Variants in NTM observed in about 807,000 individuals in gnomAD.
The protein encoded by NTM is IgLON family member 2.
NTM carries 13 observed loss-of-function variants against 42.1 expected under a neutral mutation model. The observed-to-expected ratio is 0.31, with a 90% CI of 0.20 to 0.49. NTM has a LOEUF of 0.49. Ranked by LOEUF, NTM falls within the 20% of genes least tolerant of loss-of-function variation. NTM has a pLI of 0.99. For missense variants in NTM, 373 were observed against 452.8 expected, an observed-to-expected ratio of 0.82 and a Z score of 1.60; for synonymous variants, 187 against 179.2, an observed-to-expected ratio of 1.04 and a Z score of -0.35.
chr11:131,613,197 A>G (rs2061604953), intron 1 of NTM, among the ~76,000 whole-genome samples: 1 of 151,980 alleles, frequency 6.6e-6, no homozygotes, highest in African/African-American at 2.4e-5. Context: ...CTGGCCATCA[A>G]CCCTCAGGTC....
chr11:131,819,938 C>T (rs1056709909), intron 1 of NTM, among the ~76,000 whole-genome samples: 4 of 152,318 alleles, frequency 2.6e-5, no homozygotes, highest in Admixed American at 1.3e-4. Context: ...TAATTGATTT[C>T]GGTCTGTTCC....
At chr11:132,012,988 G>A (rs1338792153) in intron 2 of NTM, among the ~76,000 whole-genome samples, 1 of 152,140 alleles carries the variant, frequency 6.6e-6, no homozygotes, top group African/African-American at 2.4e-5. Context: ...GACTTACTGT[G>A]TTTGGGATGC....
chr11:131,521,232 T>C (rs1428127144), intron 1 of NTM, among the ~76,000 whole-genome samples: 2 of 150,670 alleles, frequency 1.3e-5, no homozygotes, highest in Non-Finnish European at 3.0e-5. Flanking sequence ...GAAGAATCAC[T>C]TGGACCCGGG....
chr11:132,029,746 C>T lies in NTM; in HGVS notation c.168-116536C>T, dbSNP rs545706194. Among the ~76,000 whole-genome samples the T allele has an allele frequency of 1.4e-3, 214 of 152,108 alleles. 1 individual carries two copies. The highest frequency in any genetic ancestry group is 5.0e-3 in the African/African-American group (209 of 41,482). ...ACTACTATTTGTTCTTATTAATGGA[C>T]TTTTTTGAAGGAAAAATAAGAAAAG... On this transcript the variant is annotated intron_variant, in intron 2 of 8. Coordinates refer to ENST00000683400, the MANE Select transcript of NTM (RefSeq NM_001352005.2).
intron 1 of NTM, chr11:131,911,173 A>G: frequency 7.5e-7 from 1 of 1,328,272 alleles, no homozygotes; most frequent in Non-Finnish European, 9.7e-7. Flanking sequence ...ACGCGCCCAC[A>G]CCTTTCACCT....
In NTM at chr11:132,078,947, C is replaced by T. The variant is rs76689479; in HGVS notation, c.168-67335C>T. Among the ~76,000 whole-genome samples, 865 of 152,280 alleles carry T rather than the reference C, an allele frequency of 5.7e-3. 11 individuals carry two copies. Among genetic ancestry groups the T allele is most frequent in the African/African-American group, 0.02 (814 of 41,560 alleles). On this transcript the variant is annotated intron_variant, in intron 2 of 8. Transcript: ENST00000683400. ...TCCAACTTTAGGATTAAATGCAGAA[C>T]CTCAAGAGCATCCGACCTGATTTTG...
chr11:132,144,755 A>C (rs547309866), intron 2 of NTM, among the ~76,000 whole-genome samples: 1 of 152,338 alleles, frequency 6.6e-6, no homozygotes, highest in African/African-American at 2.4e-5. Context: ...ATGCTGTATC[A>C]GGATGGTGCC....
chr11:131,846,911 G>A (rs2044979882), intron 1 of NTM, among the ~76,000 whole-genome samples: 1 of 152,136 alleles, frequency 6.6e-6, no homozygotes, highest in East Asian at 1.9e-4. Context: ...GGAGGGGCAA[G>A]GCATGGGAAT....
chr11:132,200,359 G>A (rs2080968188), intron 3 of NTM, among the ~76,000 whole-genome samples: 1 of 152,202 alleles, frequency 6.6e-6, no homozygotes, highest in Non-Finnish European at 1.5e-5. Flanking sequence ...TATTGGGACT[G>A]TAGCACTAGA....
intron 1 of NTM, among the ~76,000 whole-genome samples, chr11:131,742,649 A>T (rs898326151): frequency 6.6e-6 from 1 of 152,188 alleles, no homozygotes; most frequent in Non-Finnish European, 1.5e-5. Context: ...TTTTCATTTA[A>T]TGTCTTTTTA....
At chr11:131,588,840 G>T (rs1419737373) in intron 1 of NTM, among the ~76,000 whole-genome samples, 4 of 152,220 alleles carry the variant, frequency 2.6e-5, no homozygotes, top group Non-Finnish European at 5.9e-5. Flanking sequence ...ATGGGGTAAA[G>T]ACATTAACTG....
intron 1 of NTM, among the ~76,000 whole-genome samples, chr11:131,613,404 T>C (rs970892274): frequency 6.6e-6 from 1 of 152,048 alleles, no homozygotes; most frequent in Non-Finnish European, 1.5e-5. Flanking sequence ...GGAGCACATT[T>C]TTCTTCCAGC....
intron 1 of NTM, among the ~76,000 whole-genome samples, chr11:131,424,602 T>TTTC (rs1947900856): frequency 2.3e-5 from 3 of 129,028 alleles, no homozygotes; most frequent in Admixed American, 1.6e-4. Flanking sequence ...TTTCTTTTCT[T>TTTC]TTTTTTTTTT....
chr11:132,242,571 G>A (rs2090399899), intron 4 of NTM, among the ~76,000 whole-genome samples: 1 of 152,246 alleles, frequency 6.6e-6, no homozygotes, highest in African/African-American at 2.4e-5. Context: ...CCTCCCTCAG[G>A]TGCCCTTAGG....
At chr11:131,548,363 G>C (rs1239211773) in intron 1 of NTM, among the ~76,000 whole-genome samples, 1 of 152,088 alleles carries the variant, frequency 6.6e-6, no homozygotes, top group Non-Finnish European at 1.5e-5. Context: ...CAAGGAATGA[G>C]TCAAGAAAGG....
At chr11:131,858,708 G>A (rs2046341131) in intron 1 of NTM, among the ~76,000 whole-genome samples, 1 of 152,212 alleles carries the variant, frequency 6.6e-6, no homozygotes, top group Non-Finnish European at 1.5e-5. Flanking sequence ...TTGAGCCGCA[G>A]CAGCTGGAAT....
At chr11:132,078,181 C>T (rs2058603486) in intron 2 of NTM, among the ~76,000 whole-genome samples, 1 of 152,168 alleles carries the variant, frequency 6.6e-6, no homozygotes, top group Non-Finnish European at 1.5e-5. Context: ...CCAGTAAAGT[C>T]AGTTTAATCT....
intron 1 of NTM, among the ~76,000 whole-genome samples, chr11:131,660,032 G>T (rs111755463): frequency 1.3e-5 from 2 of 152,232 alleles, no homozygotes; most frequent in Non-Finnish European, 2.9e-5. Context: ...GTTCTTGCAA[G>T]TAGAATGCTC....
At chr11:132,286,848 A>C (rs543090665) in intron 4 of NTM, among the ~76,000 whole-genome samples, 223 of 152,284 alleles carry the variant, frequency 1.5e-3, no homozygotes, top group African/African-American at 5.1e-3. Context: ...AAGCTCCGCC[A>C]TCTGTTCGCA....
Sources: allele counts gnomAD v4.1 joint callset (sites outside exome capture counted in the v4.1 genomes callset), GRCh38; gene constraint gnomAD v4.1.1; transcripts MANE v1.5; gene names NCBI Gene and HGNC (gene_info 2026-07-23, HGNC 2026-07-21).